GALK2: variants seen among roughly 807,000 people sequenced by gnomAD.
GALK2 encodes galactokinase 2.
Under a neutral mutation model 52.4 loss-of-function variants are expected in GALK2, and 36 were observed. The ratio of observed to expected loss-of-function variants is 0.69; its 90% confidence interval spans 0.53 to 0.91. The LOEUF is 0.91. Ranked by LOEUF, GALK2 falls within the 40% of genes least tolerant of loss-of-function variation. GALK2 has a pLI of 0.00. For synonymous variants in GALK2, 176 were observed against 199.1 expected (o/e 0.88, Z 0.98); for missense variants, 579 against 559.1 (o/e 1.04, Z -0.36).
At chr15:49,234,726 C>T (rs945409148) in intron 3 of GALK2, among the ~76,000 whole-genome samples, 2 of 152,004 alleles carry the variant, frequency 1.3e-5, no homozygotes, top group South Asian at 4.1e-4. Flanking sequence ...AGCTACAATT[C>T]AAGATGAGAT....
intron 6 of GALK2, 45 bp downstream of exon 6, chr15:49,282,130 G>A (rs761924922): frequency 4.2e-6 from 6 of 1,435,774 alleles, no homozygotes. Context: ...TTCCTAGTGG[G>A]AAAATTTACA....
At chr15:49,169,072 C>T (rs2084920934), upstream of GALK2, 1 of 153,360 alleles carries the variant, frequency 6.5e-6, no homozygotes, top group African/African-American at 2.4e-5. Context: ...TGTCCATTCA[C>T]ACTTTGTCTC....
chr15:49,314,245 A>G (rs1008343842), intron 8 of GALK2, among the ~76,000 whole-genome samples: 3 of 152,230 alleles, frequency 2.0e-5, no homozygotes, highest in African/African-American at 7.2e-5. Context: ...ACTGTTTACA[A>G]TTATCCATTT....
At chr15:49,275,557 C>G (rs548452912) in intron 5 of GALK2, among the ~76,000 whole-genome samples, 1 of 152,282 alleles carries the variant, frequency 6.6e-6, no homozygotes, top group East Asian at 1.9e-4. Context: ...ATAATTTTGT[C>G]TTGGTTAGAG....
At chr15:49,234,841 A>T (rs2090707853) in intron 3 of GALK2, among the ~76,000 whole-genome samples, 1 of 151,412 alleles carries the variant, frequency 6.6e-6, no homozygotes, top group South Asian at 2.1e-4. Context: ...ATCTCAGCTC[A>T]CTGCAACCTC....
At chr15:49,159,802 G>C (rs892407259) in intron 1 of GALK2, among the ~76,000 whole-genome samples, 2 of 152,070 alleles carry the variant, frequency 1.3e-5, no homozygotes, top group Admixed American at 1.3e-4. Context: ...AAAATTGAAA[G>C]AATAGTATAG....
At chr15:49,315,265 T>C (rs1446663933) in intron 8 of GALK2, among the ~76,000 whole-genome samples, 1 of 152,228 alleles carries the variant, frequency 6.6e-6, no homozygotes, top group Non-Finnish European at 1.5e-5. Flanking sequence ...GTTATATTCT[T>C]AAATTGAATT....
At chr15:49,237,370 G>A (rs1329057131) in intron 4 of GALK2, among the ~76,000 whole-genome samples, 1 of 152,142 alleles carries the variant, frequency 6.6e-6, no homozygotes, top group East Asian at 1.9e-4. Context: ...TTGGCATAGA[G>A]CTATTACAGA....
At position 49,283,726 on chromosome 15, in the gene GALK2, C is replaced by T. The variant is rs1377647562; in HGVS notation, c.756+8C>T. On this transcript the variant is annotated splice_region_variant and intron_variant, in intron 7 of 9. Transcript: ENST00000560031. ...TGTCGGCTGGCTGCGAAGGTATGAA[C>T]TTGGCAGGCTAGTGAAACTTGAAGT... The T allele has an allele frequency of 6.2e-7, 1 of 1,612,798 alleles. No homozygotes were observed. The highest frequency in any genetic ancestry group is 2.2e-5 in the East Asian group (1 of 44,868).
At chr15:49,264,118 C>T (rs887576292) in intron 5 of GALK2, among the ~76,000 whole-genome samples, 1 of 151,602 alleles carries the variant, frequency 6.6e-6, no homozygotes, top group African/African-American at 2.4e-5. Flanking sequence ...CGTTGGCCTG[C>T]CTTGCTAGAT....
chr15:49,213,988 C>T (rs558213688), intron 2 of GALK2, among the ~76,000 whole-genome samples: 11 of 151,906 alleles, frequency 7.2e-5, no homozygotes, highest in Non-Finnish European at 1.2e-4. Context: ...GGCATGGTGG[C>T]GGGTGCCTGT....
At chr15:49,307,126 G>C (rs1292531565) in intron 8 of GALK2, among the ~76,000 whole-genome samples, 2 of 152,122 alleles carry the variant, frequency 1.3e-5, no homozygotes, top group Non-Finnish European at 2.9e-5. Context: ...TGGCATCCAG[G>C]CTGATACTGA....
At chr15:49,301,574 T>C (rs1192974385) in intron 8 of GALK2, among the ~76,000 whole-genome samples, 1 of 152,114 alleles carries the variant, frequency 6.6e-6, no homozygotes, top group Non-Finnish European at 1.5e-5. Flanking sequence ...CAGAAGAATT[T>C]CTGAGAAGGT....
chr15:49,198,045 G>A (rs1441553160), intron 1 of GALK2, among the ~76,000 whole-genome samples: 1 of 152,080 alleles, frequency 6.6e-6, no homozygotes, highest in Non-Finnish European at 1.5e-5. Flanking sequence ...AATAGAAGAA[G>A]CTGGGCAGAG....
intron 3 of GALK2, among the ~76,000 whole-genome samples, chr15:49,231,198 C>T (rs1452974800): frequency 1.3e-5 from 2 of 152,090 alleles, no homozygotes; most frequent in Admixed American, 6.5e-5. Context: ...AGGCCTCAGG[C>T]AAATTACAAA....
At chr15:49,228,688 T>TATATATATATATATACATATA in intron 3 of GALK2, among the ~76,000 whole-genome samples, 2 of 10,442 alleles carry the variant, frequency 1.9e-4, no homozygotes, top group African/African-American at 6.8e-4. Flanking sequence ...TATATATATA[T>TATATATATATATATACATATA]TTTTTTTTTT....
chr15:49,224,664 C>G (rs1026977861), intron 3 of GALK2, among the ~76,000 whole-genome samples: 42 of 152,216 alleles, frequency 2.8e-4, no homozygotes, highest in African/African-American at 9.9e-4. Flanking sequence ...TCTGGGTTTT[C>G]TATTCTGTTC....
At chr15:49,340,758 T>C (rs1380604382) in intron 3 of GALK2, among the ~76,000 whole-genome samples, 1 of 152,228 alleles carries the variant, frequency 6.6e-6, no homozygotes, top group Non-Finnish European at 1.5e-5. Context: ...GCAGAAGCTC[T>C]TTAGTTTAAT....
chr15:49,172,594 C>T (rs2085176053), intron 1 of GALK2, among the ~76,000 whole-genome samples: 1 of 152,152 alleles, frequency 6.6e-6, no homozygotes, highest in East Asian at 1.9e-4. Flanking sequence ...TATTCTTTTT[C>T]CAGGATGCCT....
Sources: gnomAD v4.1 joint callset for allele counts (sites outside exome capture counted in the v4.1 genomes callset) on GRCh38, gnomAD v4.1.1 for gene constraint, MANE v1.5 for transcripts, NCBI Gene and HGNC (gene_info 2026-07-23, HGNC 2026-07-21) for gene names.